ZMYM2: variants seen among roughly 807,000 people sequenced by gnomAD.
ZMYM2 encodes the protein zinc finger MYM-type protein 2.
In ZMYM2, 56 loss-of-function variants were observed where a neutral mutation model predicts 162.8. The observed-to-expected ratio is 0.34, with a 90% CI of 0.28 to 0.43. The LOEUF (loss-of-function observed/expected upper bound fraction) is 0.43, where lower values mean the gene tolerates loss of function less well. Among genes scored for constraint, ZMYM2 ranks in the 20% least tolerant of loss-of-function variants. ZMYM2 has a pLI of 1.00. For synonymous variants in ZMYM2, 510 were observed against 541.6 expected (o/e 0.94, Z 0.81); for missense variants, 1,275 against 1,621.8 (o/e 0.79, Z 3.67).
chr13:20,021,124 C>T (rs544947609), intron 7 of ZMYM2, among the ~76,000 whole-genome samples: 6 of 152,006 alleles, frequency 3.9e-5, no homozygotes, highest in East Asian at 3.9e-4. Context: ...TGCAGGTGCC[C>T]GCCACCATGC....
the ZMYM2 span, among the ~76,000 whole-genome samples, chr13:19,943,646 G>T: frequency 3.3e-5 from 5 of 152,194 alleles, no homozygotes; most frequent in Non-Finnish European, 5.9e-5. Flanking sequence ...TCTGGGGTGA[G>T]ATACCTGCTT....
intron 4 of ZMYM2, among the ~76,000 whole-genome samples, chr13:20,004,314 G>A (rs1473900688): frequency 6.6e-6 from 1 of 152,064 alleles, no homozygotes; most frequent in Non-Finnish European, 1.5e-5. Context: ...GAGTGCAGTG[G>A]CGCTGATCTC....
chr13:19,908,319 A>T, the ZMYM2 span, among the ~76,000 whole-genome samples: 1 of 151,862 alleles, frequency 6.6e-6, no homozygotes, highest in African/African-American at 2.4e-5. Flanking sequence ...CCATTATTTG[A>T]TGGTTTCACG....
intron 12 of ZMYM2, among the ~76,000 whole-genome samples, chr13:20,044,443 T>C (rs939900093): frequency 1.3e-5 from 2 of 152,156 alleles, no homozygotes; most frequent in Admixed American, 1.3e-4. Context: ...GCCAAGCTTC[T>C]CTCTGTCTTC....
chr13:19,930,139 G>A, the ZMYM2 span, among the ~76,000 whole-genome samples: 4 of 152,094 alleles, frequency 2.6e-5, no homozygotes, highest in Non-Finnish European at 4.4e-5. Context: ...GGTGGCTCAC[G>A]CCTGTAATAC....
At chr13:19,966,245 C>G (rs938134567) in intron 2 of ZMYM2, among the ~76,000 whole-genome samples, 8 of 151,976 alleles carry the variant, frequency 5.3e-5, no homozygotes, top group Admixed American at 3.9e-4. Flanking sequence ...AGTGATTCTC[C>G]TGCCTCAGCC....
the ZMYM2 span, among the ~76,000 whole-genome samples, chr13:19,870,999 T>C: frequency 3.3e-5 from 5 of 151,758 alleles, no homozygotes; most frequent in African/African-American, 1.2e-4. Flanking sequence ...CAGAGGGGAA[T>C]TGGGCAGTAA....
At chr13:20,081,365 T>C (rs1292832429) in intron 21 of ZMYM2, among the ~76,000 whole-genome samples, 1 of 152,234 alleles carries the variant, frequency 6.6e-6, no homozygotes, top group Non-Finnish European at 1.5e-5. Context: ...TTATTTTCTC[T>C]TTAAGCCCCA....
the ZMYM2 span, among the ~76,000 whole-genome samples, chr13:19,897,781 AATC>A: frequency 6.6e-6 from 1 of 152,040 alleles, no homozygotes; most frequent in African/African-American, 2.4e-5. Flanking sequence ...GACCATATAA[AATC>A]ATCAACTTAC....
intron 16 of ZMYM2, among the ~76,000 whole-genome samples, chr13:20,060,146 C>G (rs148254501): frequency 6.6e-6 from 1 of 152,138 alleles, no homozygotes; most frequent in Non-Finnish European, 1.5e-5. Flanking sequence ...CACAGGTGGT[C>G]CTGGAACCAA....
the ZMYM2 span, among the ~76,000 whole-genome samples, chr13:19,901,942 C>T: frequency 6.6e-6 from 1 of 152,056 alleles, no homozygotes; most frequent in African/African-American, 2.4e-5. Context: ...AGGCATGCAC[C>T]ATTATGCCTG....
the ZMYM2 span, among the ~76,000 whole-genome samples, chr13:19,930,912 G>A: frequency 6.6e-6 from 1 of 151,070 alleles, no homozygotes; most frequent in African/African-American, 2.4e-5. Context: ...GGCCGAGGCG[G>A]GCAGATCAAG....
the ZMYM2 span, among the ~76,000 whole-genome samples, chr13:19,947,594 G>A: frequency 6.6e-6 from 1 of 151,882 alleles, no homozygotes; most frequent in Non-Finnish European, 1.5e-5. Context: ...GGGTAGCTGG[G>A]ATTACAGGCA....
chr13:19,865,199 C>G, the ZMYM2 span, among the ~76,000 whole-genome samples: 1 of 148,726 alleles, frequency 6.7e-6, no homozygotes, highest in Admixed American at 6.6e-5. Context: ...ACATAAAATA[C>G]GCTAACAGTA....
chr13:19,884,571 A>G, the ZMYM2 span, among the ~76,000 whole-genome samples: 1,833 of 152,122 alleles, frequency 0.012, 38 homozygotes, highest in African/African-American at 0.04. Flanking sequence ...GGAAACCTGT[A>G]TCAAAAAGAA....
At chr13:19,877,662 T>C in the ZMYM2 span, among the ~76,000 whole-genome samples, 1 of 152,220 alleles carries the variant, frequency 6.6e-6, no homozygotes, top group Admixed American at 6.6e-5. Context: ...ATTTTGTGAC[T>C]GCCTTATTTC....
intron 21 of ZMYM2, among the ~76,000 whole-genome samples, chr13:20,078,873 CAT>C (rs996562954): frequency 4.6e-5 from 7 of 151,900 alleles, no homozygotes; most frequent in African/African-American, 7.3e-5. Flanking sequence ...AAATGTATAA[CAT>C]GTTACATTTT....
At chr13:19,980,478 G>A (rs1957219971) in intron 2 of ZMYM2, among the ~76,000 whole-genome samples, 4 of 151,688 alleles carry the variant, frequency 2.6e-5, no homozygotes, top group Admixed American at 6.6e-5. Flanking sequence ...TTGGCTGGGC[G>A]TCATGGCTCA....
In ZMYM2 at chr13:20,064,488, AC is replaced by A; in HGVS notation, c.3077del (p.Pro1026HisfsTer51). 1 of 1,601,520 alleles carries A rather than the reference AC, an allele frequency of 6.2e-7. No homozygotes were observed. Among genetic ancestry groups the A allele is most frequent in the Admixed American group, 1.7e-5 (1 of 58,470 alleles). On this transcript the variant is annotated frameshift_variant, in exon 19 of 25. Transcript: ENST00000610343. LOFTEE classifies it high-confidence loss of function. ...TTGATATGGAAAATGAATTTTTATTACCACCTGTTTTTGGCGAAGAATATGA... is the reference window on the plus strand; with the variant it reads ...TTGATATGGAAAATGAATTTTTATTACACCTGTTTTTGGCGAAGAATATGA... ...ELDMENEFLL[P>X]PVFGEEYEEQ...
Sources: gnomAD v4.1 joint callset for allele counts (sites outside exome capture counted in the v4.1 genomes callset) on GRCh38, gnomAD v4.1.1 for gene constraint, MANE v1.5 for transcripts, NCBI Gene and HGNC (gene_info 2026-07-23, HGNC 2026-07-21) for gene names.